Variants in LRRC53 observed in about 807,000 individuals in gnomAD.
LRRC53 encodes the protein leucine rich repeat containing 53.
LRRC53 carries 25 observed loss-of-function variants against 13.6 expected under a neutral mutation model. The observed-to-expected ratio is 1.83, with a 90% CI of 1.34 to 2.56. The LOEUF (loss-of-function observed/expected upper bound fraction) is 2.56. LRRC53 is among the 30% of genes most tolerant of loss of function. LRRC53 has a pLI of 0.00. For missense variants in LRRC53, 527 were observed against 275.8 expected (o/e 1.91, Z -6.45); for synonymous variants, 204 against 109.8 (o/e 1.86, Z -5.37).
the LRRC53 span, among the ~76,000 whole-genome samples, chr1:74,518,037 C>T: frequency 0.082 from 12,460 of 152,182 alleles, 1,136 homozygotes; most frequent in African/African-American, 0.22. Flanking sequence ...GCGATGACCT[C>T]GCCAGAATAG....
At chr1:74,483,482 G>A (rs1668601975) in intron 1 of LRRC53, 107 bp from the exon 2 acceptor site, 13 of 566,948 alleles carry the variant, frequency 2.3e-5, no homozygotes, top group Non-Finnish European at 4.2e-5. Flanking sequence ...ACTGTTCAAT[G>A]AGCATCTTGG....
chr1:74,483,733 G>A (rs1668613878), intron 1 of LRRC53, among the ~76,000 whole-genome samples: 1 of 152,108 alleles, frequency 6.6e-6, no homozygotes, highest in Admixed American at 6.5e-5. Flanking sequence ...AAACAGCTCA[G>A]GATGGTTAGC....
chr1:74,481,243 A>G (rs1314981251), intron 2 of LRRC53, among the ~76,000 whole-genome samples: 3 of 152,080 alleles, frequency 2.0e-5, no homozygotes, highest in African/African-American at 2.4e-5. Context: ...AAGTTAATTC[A>G]TTGTTTCGGA....
chr1:74,519,610 T>G, the LRRC53 span, among the ~76,000 whole-genome samples: 4 of 152,198 alleles, frequency 2.6e-5, no homozygotes, highest in Non-Finnish European at 1.5e-5. Context: ...ATTTTTAAAC[T>G]AAAATCATAA....
intron 1 of LRRC53, among the ~76,000 whole-genome samples, chr1:74,497,149 A>C (rs964760154): frequency 2.0e-5 from 3 of 152,178 alleles, no homozygotes; most frequent in African/African-American, 7.2e-5. Flanking sequence ...TAATTTACTC[A>C]AAGTTTTTCT....
intron 1 of LRRC53, among the ~76,000 whole-genome samples, chr1:74,496,490 C>T (rs984988432): frequency 6.6e-6 from 1 of 152,128 alleles, no homozygotes; most frequent in African/African-American, 2.4e-5. Flanking sequence ...CACCTCAACA[C>T]TGTCTTGAGA....
rs1381721691 is a variant in LRRC53 at position 74,480,435 on chromosome 1, G to T, written c.622C>A (p.Leu208Ile). 1.4e-6 allele frequency: 1 copy of T among 717,538 alleles called. No individual in the cohort carries two copies. Among genetic ancestry groups the T allele is most frequent in the Non-Finnish European group, 2.6e-6 (1 of 385,092 alleles). 44.4% of individuals were successfully genotyped at this position (717,538 alleles called of 1,614,324 possible). A position where few individuals can be genotyped will look rare whatever the true frequency, so the allele number is the denominator to read the frequency against. Reference sequence around the variant, plus strand: ...CACTGGTTCTTATCTAAGCTCAGAAGGATTAACTGCTTCAGTGGAGTAAAC... The same window carrying T: ...CACTGGTTCTTATCTAAGCTCAGAATGATTAACTGCTTCAGTGGAGTAAAC... ...DVFTPLKQLI[L>I]LSLDKNQWSC... Residue 208 changes from leucine to isoleucine, a missense_variant, in exon 3 of 5, where the codon CTT becomes ATT. Physicochemically the swap from Leu to Ile is conservative, Grantham distance 5 (BLOSUM62 2). Coordinates refer to ENST00000294635, the MANE Select transcript of LRRC53 (RefSeq NM_001382280.1).
chr1:74,523,512 T>G, the LRRC53 span, among the ~76,000 whole-genome samples: 1 of 151,520 alleles, frequency 6.6e-6, no homozygotes, highest in Non-Finnish European at 1.5e-5. Flanking sequence ...GAGACTCACT[T>G]AAAAAAAAAG....
chr1:74,474,149 C>T (rs1202117355), intron 4 of LRRC53, among the ~76,000 whole-genome samples: 1 of 152,134 alleles, frequency 6.6e-6, no homozygotes, highest in Non-Finnish European at 1.5e-5. Context: ...TAAAAGAGCA[C>T]ATCCCCTTCA....
rs1030294015 is a variant in LRRC53 at position 74,472,154 on chromosome 1, C to T, written c.1468G>A (p.Ala490Thr). Residue 490 changes from alanine to threonine, a missense_variant, in exon 5 of 5, where the codon GCC becomes ACC. Ala to Thr is a moderately conservative substitution (Grantham distance 58). Coordinates refer to ENST00000294635, the MANE Select transcript of LRRC53 (RefSeq NM_001382280.1). ...FRRRYATPAS[A>T]LAGESLEKRL... is the part of the protein sequence containing the mutation. The stretch of plus-strand genomic sequence containing the variant: ...TTCTCAAGACTTTCTCCTGCCAAGG[C>T]TGAAGCGGGTGTTGCATATCTTCTT... 5.6e-6 allele frequency: 4 copies of T among 717,174 alleles called. No homozygotes were observed. The highest frequency in any genetic ancestry group is 4.0e-5 in the Admixed American group (2 of 50,002). The allele number at this position is 717,174 out of a possible 1,614,324, so 44.4% of individuals were successfully genotyped here.
intron 1 of LRRC53, among the ~76,000 whole-genome samples, chr1:74,503,821 TCTC>T (rs1232918980): frequency 6.6e-6 from 1 of 152,116 alleles, no homozygotes; most frequent in East Asian, 1.9e-4. Flanking sequence ...AATCAGAAAA[TCTC>T]CTAATGTTGT....
At chr1:74,495,066 T>A (rs1669258948) in intron 1 of LRRC53, among the ~76,000 whole-genome samples, 1 of 152,192 alleles carries the variant, frequency 6.6e-6, no homozygotes, top group Non-Finnish European at 1.5e-5. Flanking sequence ...AAAAAACCCA[T>A]CAGCTTTTTT....
chr1:74,477,121 G>A (rs1375859666), intron 3 of LRRC53, among the ~76,000 whole-genome samples: 1 of 152,076 alleles, frequency 6.6e-6, no homozygotes, highest in African/African-American at 2.4e-5. Flanking sequence ...AGATTCTAGA[G>A]TTTGAATTAT....
At chr1:74,477,285 T>G (rs1042117664) in intron 3 of LRRC53, among the ~76,000 whole-genome samples, 34 of 151,960 alleles carry the variant, frequency 2.2e-4, no homozygotes, top group Non-Finnish European at 7.4e-5. Context: ...CTAACACTTA[T>G]TTTTTTTCTC....
At position 74,480,167 on chromosome 1, in the gene LRRC53, AC is replaced by A; in HGVS notation, c.889del (p.Val297SerfsTer13). 1.4e-6 allele frequency: 1 copy of A among 716,870 alleles called. No individual in the cohort carries two copies. The highest frequency in any genetic ancestry group is 2.6e-6 in the Non-Finnish European group (1 of 384,816). The allele number at this position is 716,870 out of a possible 1,614,324, so 44.4% of individuals were successfully genotyped here. A position where few individuals can be genotyped will look rare whatever the true frequency, so the allele number is the denominator to read the frequency against. On this transcript the variant is annotated frameshift_variant, in exon 3 of 5. Coordinates refer to ENST00000294635, the MANE Select transcript of LRRC53 (RefSeq NM_001382280.1). LOFTEE classifies it high-confidence loss of function. ...CCCCGGCATACCTGCGAAGCCAAGG[AC>A]AGTCAGCAGGGCCACATCTGGTCCT... ...LPGPDVALLTVLGFAGAVGLT... is the reference protein window; with the variant it reads ...LPGPDVALLTXLGFAGAVGLT...
At chr1:74,489,272 A>G in intron 1 of LRRC53, 1 of 1,600,984 alleles carries the variant, frequency 6.2e-7, no homozygotes, top group Non-Finnish European at 8.5e-7. Context: ...CTTCTGAAAT[A>G]TGTCCATAAA....
intron 1 of LRRC53, chr1:74,489,242 C>T: frequency 1.9e-6 from 3 of 1,611,136 alleles, no homozygotes; most frequent in Non-Finnish European, 2.5e-6. Context: ...GTCTCTGCAA[C>T]ATTGAGGTAA....
upstream of LRRC53, among the ~76,000 whole-genome samples, chr1:74,513,887 T>G (rs1276814295): frequency 6.6e-6 from 1 of 152,178 alleles, no homozygotes; most frequent in African/African-American, 2.4e-5. Flanking sequence ...CACAACCGCA[T>G]CTGCAAAGCT....
chr1:74,508,663 A>G (rs578030721), intron 1 of LRRC53, among the ~76,000 whole-genome samples: 28 of 152,336 alleles, frequency 1.8e-4, no homozygotes, highest in South Asian at 4.1e-4. Flanking sequence ...GAAAACCAAC[A>G]GCAAGCTATA....
Sources: allele counts gnomAD v4.1 joint callset (sites outside exome capture counted in the v4.1 genomes callset), GRCh38; gene constraint gnomAD v4.1.1; transcripts MANE v1.5; gene names NCBI Gene and HGNC (gene_info 2026-07-23, HGNC 2026-07-21).